IFTAP: variants seen among roughly 807,000 people sequenced by gnomAD.
IFTAP encodes intraflagellar transport associated protein, also known as intraflagellar transport-associated protein.
In IFTAP, 19 loss-of-function variants were observed where a neutral mutation model predicts 19.4. The observed-to-expected ratio is 0.98, with a 90% CI of 0.68 to 1.44. IFTAP has a LOEUF of 1.44. IFTAP is among the 40% of genes most tolerant of loss of function. IFTAP has a pLI of 0.00. For synonymous variants in IFTAP, 85 were observed against 83.5 expected, an observed-to-expected ratio of 1.02 and a Z score of -0.10; for missense variants, 240 against 253.6, an observed-to-expected ratio of 0.95 and a Z score of 0.36.
In IFTAP at chr11:36,659,088, T is replaced by C. The variant is rs762487221; in HGVS notation, c.568T>C (p.Ser190Pro). The change falls in exon 6 of 6, where the codon TCC becomes CCC. Residue 190 changes from serine (S) to proline (P), a missense_variant. Transcript: ENST00000334307. ...TGATTATGACAATGTGATGCTAACC[T>C]CCAAGTTTAGTCCTGCAGAGATAGA... ...EFDYDNVMLT[S>P]KFSPAEIENI... 14 of 1,610,098 alleles carry C rather than the reference T, an allele frequency of 8.7e-6. No individual in the cohort carries two copies. The Admixed American group carries it at 2.4e-4, about 27-fold the overall frequency.
rs201072344 is a variant in IFTAP at position 36,636,144 on chromosome 11, T to C, written c.358+27T>C. 1.1e-5 allele frequency: 17 copies of C among 1,535,740 alleles called. No homozygotes were observed. In the Middle Eastern group the frequency reaches 5.1e-4, roughly 46 times the overall value. On this transcript the variant is annotated intron_variant, in intron 4 of 5. Coordinates refer to ENST00000334307, the MANE Select transcript of IFTAP (RefSeq NM_138787.4). ...TATGCTTTCTATTTCCTTTCTATACTACCTGACCTCTTTCTAGAAACTACA... is the reference window on the plus strand; with the variant it reads ...TATGCTTTCTATTTCCTTTCTATACCACCTGACCTCTTTCTAGAAACTACA...
At chr11:36,636,626 A>T (rs1852962711) in intron 4 of IFTAP, among the ~76,000 whole-genome samples, 1 of 152,254 alleles carries the variant, frequency 6.6e-6, no homozygotes, top group African/African-American at 2.4e-5. Context: ...TAAGATGCAA[A>T]GCCTAGGCTG....
At chr11:36,644,508 C>T (rs1340428771) in intron 4 of IFTAP, among the ~76,000 whole-genome samples, 1 of 152,112 alleles carries the variant, frequency 6.6e-6, no homozygotes, top group Non-Finnish European at 1.5e-5. Context: ...GGTATATACC[C>T]AAAGGATTAT....
intron 5 of IFTAP, among the ~76,000 whole-genome samples, chr11:36,648,649 A>G (rs570699595): frequency 1.1e-4 from 16 of 152,282 alleles, no homozygotes; most frequent in Non-Finnish European, 2.1e-4. Flanking sequence ...TTGGGGGGTC[A>G]TCAGGGACCC....
chr11:36,637,915 C>G (rs1853020332), intron 4 of IFTAP, among the ~76,000 whole-genome samples: 1 of 150,406 alleles, frequency 6.6e-6, no homozygotes, highest in Non-Finnish European at 1.5e-5. Context: ...GAGTCTCACT[C>G]TGTCGCCCAG....
chr11:36,654,166 C>T (rs761283241), intron 5 of IFTAP, among the ~76,000 whole-genome samples: 3 of 152,022 alleles, frequency 2.0e-5, no homozygotes, highest in Non-Finnish European at 4.4e-5. Flanking sequence ...TGGATGTTTT[C>T]AGAATGAAGG....
At chr11:36,609,008 A>G (rs947198841) in intron 1 of IFTAP, among the ~76,000 whole-genome samples, 15 of 152,200 alleles carry the variant, frequency 9.9e-5, no homozygotes, top group African/African-American at 3.6e-4. Context: ...ATCCTGAGCT[A>G]TCAAGCATTT....
chr11:36,616,795 G>A (rs1365755477), intron 2 of IFTAP, among the ~76,000 whole-genome samples: 1 of 151,862 alleles, frequency 6.6e-6, no homozygotes, highest in Non-Finnish European at 1.5e-5. Flanking sequence ...TAGCTATTGA[G>A]TATTGGAAAC....
intron 3 of IFTAP, 122 bp from the exon 4 acceptor site, chr11:36,635,929 T>G: frequency 1.4e-6 from 1 of 698,006 alleles, no homozygotes. Flanking sequence ...GACTCAAGAG[T>G]TAATGAGAAA....
chr11:36,615,749 T>TTTTTGTACATTGA lies in IFTAP; in HGVS notation c.136+5518_136+5530dup, dbSNP rs1852057124. Among the ~76,000 whole-genome samples, 2 of 146,306 alleles carry TTTTTGTACATTGA rather than the reference T, an allele frequency of 1.4e-5. 1 individual carries two copies. Among genetic ancestry groups the TTTTTGTACATTGA allele is most frequent in the South Asian group, 4.6e-4 (2 of 4,392 alleles). ...TGTTGGTGTATAAGAATGCTTGTGA[T>TTTTTGTACATTGA]TTTTGTACATTGATTTTGTATCCTG... is the stretch of plus-strand genomic sequence containing the variant. On this transcript the variant is annotated intron_variant, in intron 2 of 5. Coordinates refer to ENST00000334307, the MANE Select transcript of IFTAP (RefSeq NM_138787.4).
intron 2 of IFTAP, among the ~76,000 whole-genome samples, chr11:36,616,784 G>T (rs11033716): frequency 6.6e-6 from 1 of 151,832 alleles, no homozygotes; most frequent in African/African-American, 2.4e-5. Flanking sequence ...CTAGCAACAT[G>T]TAGCTATTGA....
intron 5 of IFTAP, among the ~76,000 whole-genome samples, chr11:36,657,929 A>T (rs1256414401): frequency 6.6e-6 from 1 of 152,232 alleles, no homozygotes; most frequent in Non-Finnish European, 1.5e-5. Context: ...CTAACAAAAG[A>T]TGATAAATGG....
intron 2 of IFTAP, among the ~76,000 whole-genome samples, chr11:36,618,232 A>T (rs768831728): frequency 6.6e-6 from 1 of 151,970 alleles, no homozygotes; most frequent in Non-Finnish European, 1.5e-5. Flanking sequence ...AAATGAGGTC[A>T]TAAGGGTGGG....
intron 2 of IFTAP, among the ~76,000 whole-genome samples, chr11:36,619,214 G>A (rs1475682866): frequency 6.6e-6 from 1 of 151,768 alleles, no homozygotes; most frequent in Non-Finnish European, 1.5e-5. Context: ...ATTTTGAGTT[G>A]TCATTTCAGC....
chr11:36,600,073 G>A (rs1016974962), intron 1 of IFTAP, among the ~76,000 whole-genome samples: 4 of 152,170 alleles, frequency 2.6e-5, no homozygotes, highest in African/African-American at 9.7e-5. Context: ...ATTTGAAAAT[G>A]GGTTTTAAGA....
chr11:36,648,271 A>G, intron 5 of IFTAP, 116 bp downstream of exon 5: 1 of 1,317,766 alleles, frequency 7.6e-7, no homozygotes, highest in Middle Eastern at 1.9e-4. Context: ...TATAAAATTC[A>G]AGTTGCTTAA....
intron 3 of IFTAP, 64 bp from the exon 4 acceptor site, chr11:36,635,987 C>T: frequency 9.0e-7 from 1 of 1,111,026 alleles, no homozygotes; most frequent in Non-Finnish European, 1.4e-6. Context: ...GATTCGTTGA[C>T]TTTTCACTGC....
chr11:36,595,187 A>C (rs940997261), intron 1 of IFTAP: 1 of 152,124 alleles, frequency 6.6e-6, no homozygotes, highest in Non-Finnish European at 1.5e-5. Flanking sequence ...TCTTCTTTTC[A>C]TCTTCATTCT....
At chr11:36,624,637 G>A (rs1852438240) in intron 2 of IFTAP, among the ~76,000 whole-genome samples, 1 of 152,102 alleles carries the variant, frequency 6.6e-6, no homozygotes, top group Admixed American at 6.5e-5. Context: ...TCCATTTTTT[G>A]TGCTTCCTTG....
Sources: allele counts gnomAD v4.1 joint callset (sites outside exome capture counted in the v4.1 genomes callset), GRCh38; gene constraint gnomAD v4.1.1; transcripts MANE v1.5; gene names NCBI Gene and HGNC (gene_info 2026-07-23, HGNC 2026-07-21).